The following TRAPPC8 variants were observed in gnomAD, a reference collection of about 807,000 sequenced individuals.
The protein encoded by TRAPPC8 is general sporulation gene 1 homolog.
TRAPPC8 carries 54 observed loss-of-function variants against 174.3 expected under a neutral mutation model. The observed-to-expected ratio is 0.31, with a 90% confidence interval of 0.25 to 0.39. The LOEUF is 0.39. TRAPPC8 is among the 10% of genes least tolerant of loss of function. TRAPPC8 has a pLI of 1.00. For missense variants in TRAPPC8, 1,531 were observed against 1,699.1 expected, an observed-to-expected ratio of 0.90 and a Z score of 1.74; for synonymous variants, 630 against 579.9, an observed-to-expected ratio of 1.09 and a Z score of -1.24.
rs1167718050 is a variant in TRAPPC8 at position 31,915,479 on chromosome 18, G to GC, written c.617+792_617+793insG. ...CCCCATCAAAAAAAAAGGGGGGGGG[G>GC]GCGCAGGCGCAGTGGCTCCCGCCTG... On this transcript the variant is annotated intron_variant, in intron 4 of 28. Transcript: ENST00000283351. Among the ~76,000 whole-genome samples the GC allele has an allele frequency of 3.9e-4, 50 of 129,398 alleles. 5 individuals carry two copies. Among genetic ancestry groups the GC allele is most frequent in the African/African-American group, 1.3e-3 (44 of 33,620 alleles). 84.9% of individuals were successfully genotyped at this position (129,398 alleles called of 152,430 possible). A position where few individuals can be genotyped will look rare whatever the true frequency, so the allele number is the denominator to read the frequency against.
At chr18:31,940,558 G>C (rs2038288492) in intron 1 of TRAPPC8, among the ~76,000 whole-genome samples, 1 of 120,736 alleles carries the variant, frequency 8.3e-6, no homozygotes, top group South Asian at 2.5e-4. Flanking sequence ...TGTTTGTTTG[G>C]TTGGTTTTGA....
intron 12 of TRAPPC8, among the ~76,000 whole-genome samples, chr18:31,890,144 T>C (rs574356673): frequency 5.9e-5 from 9 of 152,298 alleles, no homozygotes; most frequent in Non-Finnish European, 1.3e-4. Context: ...ATATTTATAG[T>C]AAATCATCAT....
chr18:31,854,213 T>A (rs927395027), intron 21 of TRAPPC8, among the ~76,000 whole-genome samples: 1 of 152,196 alleles, frequency 6.6e-6, no homozygotes, highest in Non-Finnish European at 1.5e-5. Context: ...TTAAAGCCTA[T>A]CACAATGAGC....
intron 4 of TRAPPC8, among the ~76,000 whole-genome samples, chr18:31,915,526 C>T (rs2037100999): frequency 1.3e-5 from 2 of 150,320 alleles, no homozygotes; most frequent in Admixed American, 6.6e-5. Flanking sequence ...CCTTGGGAGG[C>T]CGAGGCGGGC....
chr18:31,920,945 CAAAA>C (rs71177808), intron 2 of TRAPPC8, among the ~76,000 whole-genome samples: 3 of 76,896 alleles, frequency 3.9e-5, no homozygotes, highest in African/African-American at 4.7e-5. Flanking sequence ...CACTCCGTCT[CAAAA>C]AAAAAAAAAA....
At chr18:31,902,993 T>C (rs1598709627) in intron 9 of TRAPPC8, among the ~76,000 whole-genome samples, 1 of 147,644 alleles carries the variant, frequency 6.8e-6, no homozygotes, top group Admixed American at 6.9e-5. Context: ...GAGCCTGCAG[T>C]GAGCCGAGAT....
At position 31,917,602 on chromosome 18, in the gene TRAPPC8, C is replaced by G; in HGVS notation, c.418G>C (p.Glu140Gln). 2.5e-6 allele frequency: 4 copies of G among 1,613,108 alleles called. No individual in the cohort carries two copies. The highest frequency in any genetic ancestry group is 3.4e-6 in the Non-Finnish European group (4 of 1,179,608). The change falls in exon 3 of 29, where the codon GAA (glutamate) becomes CAA (glutamine). Residue 140 changes from glutamate (E) to glutamine (Q), a missense_variant. Coordinates refer to ENST00000283351, the MANE Select transcript of TRAPPC8 (RefSeq NM_014939.5). ...CATGCTAAATAGTGGTTCAGAAATTCATGATCCAATGCTGGCATCGACTGA... is the reference window on the plus strand; with the variant it reads ...CATGCTAAATAGTGGTTCAGAAATTGATGATCCAATGCTGGCATCGACTGA... ...FLQSMPALDH[E>Q]FLNHYLACML...
At chr18:31,841,842 T>G (rs2033118096) in intron 26 of TRAPPC8, among the ~76,000 whole-genome samples, 1 of 152,204 alleles carries the variant, frequency 6.6e-6, no homozygotes, top group Non-Finnish European at 1.5e-5. Context: ...TATCCCCCAG[T>G]ATCAGATAAC....
At position 31,848,032 on chromosome 18, in the gene TRAPPC8, G is replaced by A. The variant is rs980389311; in HGVS notation, c.3736-1215C>T. ...GTGCATCTTACTCTACAACTTTAAT[G>A]ACTTTTCAAGTTTTCTTTAATCTAA... On this transcript the variant is annotated intron_variant, in intron 25 of 28. Coordinates refer to ENST00000283351, the MANE Select transcript of TRAPPC8 (RefSeq NM_014939.5). 2.0e-5 allele frequency among the ~76,000 whole-genome samples: 3 copies of A among 151,902 alleles called. No individual in the cohort carries two copies. The South Asian group carries it at 6.2e-4, about 31-fold the overall frequency.
intron 1 of TRAPPC8, among the ~76,000 whole-genome samples, chr18:31,934,052 G>A (rs955733984): frequency 2.6e-5 from 4 of 151,996 alleles, no homozygotes; most frequent in African/African-American, 9.7e-5. Flanking sequence ...GCCAGGCATG[G>A]TGGCAAGCGC....
intron 2 of TRAPPC8, among the ~76,000 whole-genome samples, chr18:31,924,409 G>A (rs1408079073): frequency 3.3e-5 from 5 of 150,810 alleles, no homozygotes; most frequent in South Asian, 2.1e-4. Flanking sequence ...AGCCAAGATC[G>A]CGCTAGTGCA....
intron 1 of TRAPPC8, among the ~76,000 whole-genome samples, chr18:31,932,997 C>CAAAAAAAAAAAAAAAAA (rs35234467): frequency 1.2e-4 from 5 of 42,686 alleles, no homozygotes; most frequent in African/African-American, 7.4e-4. Flanking sequence ...GACTCCGTCT[C>CAAAAAAAAAAAAAAAAA]AAAAAAAAAA....
At position 31,917,646 on chromosome 18, in the gene TRAPPC8, G is replaced by A. The variant is rs776651689; in HGVS notation, c.374C>T (p.Ser125Phe). Residue 125 changes from serine (S) to phenylalanine (F), a missense_variant, in exon 3 of 29, where the codon TCT becomes TTT. Transcript: ENST00000283351. ...NISATTPWFESYRETFLQSMP... is the reference protein window; with the variant it reads ...NISATTPWFEFYRETFLQSMP... ...CGACTGAAGAAAGGTTTCTCTGTAA[G>A]ACTCAAACCATGGAGTAGTGGCTAA... is the stretch of plus-strand genomic sequence containing the variant. 1.9e-6 allele frequency: 3 copies of A among 1,612,850 alleles called. No homozygotes were observed. The highest frequency in any genetic ancestry group is 4.5e-5 in the East Asian group (2 of 44,826).
intron 8 of TRAPPC8, among the ~76,000 whole-genome samples, 191 bp from the exon 9 acceptor site, chr18:31,907,801 T>C (rs2036730577): frequency 6.6e-6 from 1 of 152,200 alleles, no homozygotes; most frequent in African/African-American, 2.4e-5. Context: ...TGTTTTATTA[T>C]TTATAGCCCT....
chr18:31,924,725 C>T (rs2037539057), intron 2 of TRAPPC8, among the ~76,000 whole-genome samples: 1 of 120,570 alleles, frequency 8.3e-6, no homozygotes. Context: ...GCAACAACAG[C>T]GAAACTCCGT....
At chr18:31,885,942 C>T (rs1191552237) in intron 12 of TRAPPC8, among the ~76,000 whole-genome samples, 2 of 151,524 alleles carry the variant, frequency 1.3e-5, no homozygotes. Flanking sequence ...ACTCAAATGG[C>T]AAAAAGAAAA....
intron 18 of TRAPPC8, among the ~76,000 whole-genome samples, 192 bp downstream of exon 18, chr18:31,866,657 T>C (rs960404087): frequency 6.6e-6 from 1 of 152,194 alleles, no homozygotes; most frequent in Non-Finnish European, 1.5e-5. Context: ...GGGAATCAAG[T>C]TGTTTACTTT....
At position 31,942,838 on chromosome 18, in the gene TRAPPC8, A is replaced by G; in HGVS notation, c.-74T>C. 1 of 1,261,828 alleles carries G rather than the reference A, an allele frequency of 7.9e-7. No homozygotes were observed. The highest frequency in any genetic ancestry group is 1.0e-6 in the Non-Finnish European group (1 of 1,001,516). 78.2% of individuals were successfully genotyped at this position (1,261,828 alleles called of 1,614,324 possible). A position where few individuals can be genotyped will look rare whatever the true frequency, so the allele number is the denominator to read the frequency against. ...AGGTTATCCTGCGGCTGCAGCAGCT[A>G]CCGCCGCCGCCCGCCGGCCTGGCCC... is the stretch of plus-strand genomic sequence containing the variant. On this transcript the variant is annotated 5_prime_UTR_variant, in exon 1 of 29. Coordinates refer to ENST00000283351, the MANE Select transcript of TRAPPC8 (RefSeq NM_014939.5).
At chr18:31,893,989 T>G (rs2036080927) in intron 11 of TRAPPC8, among the ~76,000 whole-genome samples, 1 of 152,218 alleles carries the variant, frequency 6.6e-6, no homozygotes. Context: ...TGCAAATGAT[T>G]CTAACGCACA....
Sources: gnomAD v4.1 joint callset for allele counts (sites outside exome capture counted in the v4.1 genomes callset) on GRCh38, gnomAD v4.1.1 for gene constraint, MANE v1.5 for transcripts, NCBI Gene and HGNC (gene_info 2026-07-23, HGNC 2026-07-21) for gene names.